The following GIGYF2 variants were observed in gnomAD, a reference collection of about 807,000 sequenced individuals.
GIGYF2 encodes the protein GRB10 interacting GYF protein 2, also known as GRB10-interacting GYF protein 2.
A neutral mutation model predicts 208.1 loss-of-function variants in GIGYF2; 25 were observed. That is an observed-to-expected ratio of 0.12 (90% CI 0.09 to 0.17). GIGYF2 has a LOEUF of 0.17. Among genes scored for constraint, GIGYF2 ranks in the 10% least tolerant of loss-of-function variants. GIGYF2 has a pLI of 1.00. For missense variants in GIGYF2, 1,302 were observed against 1,579.4 expected (o/e 0.82, Z 2.98); for synonymous variants, 534 against 543.8 (o/e 0.98, Z 0.25).
chr2:232,772,994 G>T lies in GIGYF2; in HGVS notation c.532+11558G>T, dbSNP rs143974999. On this transcript the variant is annotated intron_variant, in intron 8 of 28. Coordinates refer to ENST00000373563, the MANE Select transcript of GIGYF2 (RefSeq NM_001103146.3). ...AACTTAACATTTATTGGTGATTAGA[G>T]ACTTTTTTTTGTATTTTCTTCAGAT... 1.2e-3 allele frequency among the ~76,000 whole-genome samples: 177 copies of T among 152,184 alleles called. 1 individual carries two copies. The highest frequency in any genetic ancestry group is 4.0e-3 in the African/African-American group (166 of 41,532).
In GIGYF2 at chr2:232,713,225, G is replaced by A. The variant is rs553231514; in HGVS notation, c.-44+9736G>A. Among the ~76,000 whole-genome samples the A allele has an allele frequency of 8.9e-4, 135 of 151,934 alleles. 2 individuals are homozygous for A. The highest frequency in any genetic ancestry group is 1.6e-3 in the Non-Finnish European group (112 of 67,946). On this transcript the variant is annotated intron_variant, in intron 2 of 28. Coordinates refer to ENST00000373563, the MANE Select transcript of GIGYF2 (RefSeq NM_001103146.3). ...CGAATAGCTGGGATTACAAGCACCC[G>A]CCATCATGTGCAACTGATTTTTTGT...
Position 232,769,505 on chromosome 2 carries a change from CAA to C in GIGYF2, c.532+8090_532+8091del, listed in dbSNP as rs34912964. ...TGGGCAACAGAGGAAGACTCCATCT[CAA>C]AAAAAAAAAAAAAAAAAAAAGTGAT... On this transcript the variant is annotated intron_variant, in intron 8 of 28. Transcript: ENST00000373563. Among the ~76,000 whole-genome samples, 548 of 66,496 alleles carry C rather than the reference CAA, an allele frequency of 8.2e-3. 3 individuals carry two copies. Among genetic ancestry groups the C allele is most frequent in the African/African-American group, 0.025 (513 of 20,570 alleles). The allele number at this position is 66,496 out of a possible 152,430, so 43.6% of individuals were successfully genotyped here.
chr2:232,834,826 C>A (rs1701530691), intron 22 of GIGYF2, among the ~76,000 whole-genome samples: 1 of 111,708 alleles, frequency 9.0e-6, no homozygotes, highest in African/African-American at 3.6e-5. Flanking sequence ...TAGTGTACCT[C>A]TAGTGATTTT....
intron 15 of GIGYF2, among the ~76,000 whole-genome samples, chr2:232,809,441 C>T (rs1445166485): frequency 6.6e-6 from 1 of 152,148 alleles, no homozygotes; most frequent in Non-Finnish European, 1.5e-5. Flanking sequence ...TACAGTTGAA[C>T]ATTCAGCTTT....
chr2:232,855,080 CT>C (rs201395041), intron 28 of GIGYF2, among the ~76,000 whole-genome samples: 1,346 of 109,120 alleles, frequency 0.012, 4 homozygotes, highest in African/African-American at 0.044. Flanking sequence ...CTTTTTCTTT[CT>C]TTTTTTTTTT....
At chr2:232,841,088 A>G (rs909726316) in intron 23 of GIGYF2, among the ~76,000 whole-genome samples, 5 of 151,824 alleles carry the variant, frequency 3.3e-5, no homozygotes, top group Non-Finnish European at 7.4e-5. Flanking sequence ...AAAAAAAAAG[A>G]ATTGAACTTT....
intron 16 of GIGYF2, chr2:232,810,891 T>C (rs1215809687): frequency 3.9e-6 from 1 of 255,020 alleles, no homozygotes; most frequent in Non-Finnish European, 7.7e-6. Flanking sequence ...TTGAATCTGT[T>C]TCATTTTTCA....
chr2:232,757,091 A>G (rs1698576765), intron 6 of GIGYF2, among the ~76,000 whole-genome samples: 1 of 152,168 alleles, frequency 6.6e-6, no homozygotes, highest in Non-Finnish European at 1.5e-5. Flanking sequence ...GAGTGAGACC[A>G]TTGTCTCTGC....
Position 232,749,039 on chromosome 2 carries a change from C to G in GIGYF2, c.224C>G (p.Pro75Arg). The change falls in exon 5 of 29, where the codon CCC becomes CGC. Residue 75 changes from proline (P) to arginine (R), a missense_variant. Pro to Arg is a moderately radical substitution (Grantham distance 103). Coordinates refer to ENST00000373563, the MANE Select transcript of GIGYF2 (RefSeq NM_001103146.3). Reference protein sequence around the residue: ...KEFLPILQEEPLPPLALVPFT... With the variant: ...KEFLPILQEERLPPLALVPFT... ...TTTCTGCCTATCCTCCAGGAGGAAC[C>G]CCTTCCACCATTGGCTCTGGTACCC... 6.2e-7 allele frequency: 1 copy of G among 1,606,464 alleles called. No individual in the cohort carries two copies. Among genetic ancestry groups the G allele is most frequent in the Non-Finnish European group, 8.5e-7 (1 of 1,173,148 alleles).
intron 2 of GIGYF2, among the ~76,000 whole-genome samples, chr2:232,708,672 A>T (rs1261113377): frequency 8.3e-4 from 26 of 31,314 alleles, no homozygotes; most frequent in East Asian, 7.1e-3. Context: ...TCATTTCTTT[A>T]AAAAAAAAAA....
At chr2:232,759,676 GT>G (rs916790719) in intron 6 of GIGYF2, among the ~76,000 whole-genome samples, 66 of 146,482 alleles carry the variant, frequency 4.5e-4, no homozygotes, top group Admixed American at 7.5e-4. Context: ...TAGATTTCTA[GT>G]TTTTTTTTTT....
chr2:232,849,186 A>T (rs1690202660), intron 27 of GIGYF2, among the ~76,000 whole-genome samples: 1 of 151,708 alleles, frequency 6.6e-6, no homozygotes, highest in Non-Finnish European at 1.5e-5. Context: ...TTTTTTTGGG[A>T]GGAAGTGTCA....
chr2:232,814,779 CTT>C (rs1700860990), intron 18 of GIGYF2, among the ~76,000 whole-genome samples: 3 of 152,028 alleles, frequency 2.0e-5, no homozygotes, highest in Admixed American at 2.0e-4. Flanking sequence ...GTTTTGGAAA[CTT>C]TTAAGTACTG....
intron 2 of GIGYF2, among the ~76,000 whole-genome samples, chr2:232,707,400 G>A (rs1401370425): frequency 6.6e-6 from 1 of 152,166 alleles, no homozygotes; most frequent in Non-Finnish European, 1.5e-5. Flanking sequence ...ACAAGGAATT[G>A]TCTTGGTACT....
At chr2:232,784,074 C>T (rs563888274) in intron 8 of GIGYF2, among the ~76,000 whole-genome samples, 350 of 152,292 alleles carry the variant, frequency 2.3e-3, no homozygotes, top group Middle Eastern at 6.8e-3. Flanking sequence ...ATTTAGCTCC[C>T]TGAAATTCAG....
intron 3 of GIGYF2, among the ~76,000 whole-genome samples, chr2:232,739,390 A>G (rs1344713722): frequency 1.6e-5 from 2 of 127,668 alleles, no homozygotes; most frequent in African/African-American, 5.9e-5. Context: ...AAAAAAGAAA[A>G]GGGTTAGGCA....
At chr2:232,768,777 C>T in intron 8 of GIGYF2, 3 of 1,600,458 alleles carry the variant, frequency 1.9e-6, no homozygotes, top group East Asian at 2.2e-5. Flanking sequence ...TGAAAAAGCT[C>T]GATTTTTTGG....
chr2:232,750,136 G>C (rs1334502915), intron 5 of GIGYF2, among the ~76,000 whole-genome samples: 2 of 151,802 alleles, frequency 1.3e-5, no homozygotes, highest in African/African-American at 4.8e-5. Flanking sequence ...AGTGAGCTGA[G>C]ATTGCATCAC....
chr2:232,718,846 G>A (rs1446024139), intron 2 of GIGYF2, among the ~76,000 whole-genome samples: 1 of 152,166 alleles, frequency 6.6e-6, no homozygotes, highest in Non-Finnish European at 1.5e-5. Flanking sequence ...TAGGCAGTGG[G>A]AATGGGGGCA....
Sources: allele counts gnomAD v4.1 joint callset (sites outside exome capture counted in the v4.1 genomes callset), GRCh38; gene constraint gnomAD v4.1.1; transcripts MANE v1.5; gene names NCBI Gene and HGNC (gene_info 2026-07-23, HGNC 2026-07-21).